TNFRSF19: variants seen among roughly 807,000 people sequenced by gnomAD.
TNFRSF19 encodes the protein tumor necrosis factor receptor superfamily member 19.
Under a neutral mutation model 46.4 loss-of-function variants are expected in TNFRSF19, and 27 were observed. The ratio of observed to expected loss-of-function variants is 0.58; its 90% CI spans 0.43 to 0.80. The LOEUF (loss-of-function observed/expected upper bound fraction) is 0.80, where lower values mean the gene tolerates loss of function less well. Ranked by LOEUF, TNFRSF19 falls within the 30% of genes least tolerant of loss-of-function variation. The probability of loss-of-function intolerance (pLI) is 0.00; values close to 1 mark genes in which losing one functional copy is unlikely to be tolerated. For missense variants in TNFRSF19, 511 were observed against 530.8 expected, an observed-to-expected ratio of 0.96 and a Z score of 0.37; for synonymous variants, 204 against 205.0, an observed-to-expected ratio of 1.00 and a Z score of 0.04.
chr13:23,660,479 T>C lies in TNFRSF19; in HGVS notation c.725T>C (p.Val242Ala), dbSNP rs779636285. The change falls in exon 7 of 10, where the codon GTG (valine) becomes GCG (alanine). Residue 242 changes from valine (V) to alanine (A), a missense_variant. Coordinates refer to ENST00000248484, the MANE Select transcript of TNFRSF19 (RefSeq NM_148957.4). ...TGCTGCCAGTGCCGCCGTGACTCAG[T>C]GCAGACCTGCGGTAAGTTCAGCAGG... Reference protein sequence around the residue: ...RACCQCRRDSVQTCGPVRLLP... With the variant: ...RACCQCRRDSAQTCGPVRLLP... The C allele has an allele frequency of 2.0e-5, 33 of 1,613,062 alleles. No homozygotes were observed. Among genetic ancestry groups the C allele is most frequent in the Admixed American group, 3.3e-5 (2 of 59,990 alleles).
At chr13:23,608,346 A>T (rs1880657186) in intron 3 of TNFRSF19, among the ~76,000 whole-genome samples, 1 of 152,250 alleles carries the variant, frequency 6.6e-6, no homozygotes, top group African/African-American at 2.4e-5. Context: ...ATATTAGCTA[A>T]TTTTTCATAC....
At chr13:23,618,995 A>G (rs1220571805) in intron 4 of TNFRSF19, among the ~76,000 whole-genome samples, 2 of 152,214 alleles carry the variant, frequency 1.3e-5, no homozygotes, top group African/African-American at 2.4e-5. Context: ...GGCCCTCACC[A>G]GACGCCAGAT....
Position 23,659,630 on chromosome 13 carries a change from C to T in TNFRSF19, c.610+416C>T, listed in dbSNP as rs564514294. Among the ~76,000 whole-genome samples, 10 of 152,156 alleles carry T rather than the reference C, an allele frequency of 6.6e-5. No homozygotes were observed. The highest frequency in any genetic ancestry group is 1.4e-4 in the African/African-American group (6 of 41,520). On this transcript the variant is annotated intron_variant, in intron 6 of 9. Coordinates refer to ENST00000248484, the MANE Select transcript of TNFRSF19 (RefSeq NM_148957.4). The surrounding 1 kb of genome is among the most constrained non-coding windows in gnomAD (Gnocchi z 4.9). ...CAAGTGATTCTCCTGCCTCAGCCTC[C>T]GGAGTAGCTGGGACTACAGGCGCCC...
At chr13:23,618,291 AC>A (rs941531735) in intron 4 of TNFRSF19, among the ~76,000 whole-genome samples, 1 of 152,232 alleles carries the variant, frequency 6.6e-6, no homozygotes, top group African/African-American at 2.4e-5. Flanking sequence ...ACATATTCTT[AC>A]AACTCAATAA....
At chr13:23,594,298 T>C (rs1272123791) in intron 3 of TNFRSF19, 3 of 451,430 alleles carry the variant, frequency 6.6e-6, no homozygotes, top group Non-Finnish European at 8.9e-6. Context: ...GGGAGACAAA[T>C]GGTCTAGCTC....
At chr13:23,623,118 C>A (rs1192186273) in intron 4 of TNFRSF19, among the ~76,000 whole-genome samples, 2 of 152,184 alleles carry the variant, frequency 1.3e-5, no homozygotes, top group Non-Finnish European at 2.9e-5. Context: ...CCCTTTGCTT[C>A]TTCCCCCAGC....
chr13:23,635,817 A>G (rs1882641047), intron 5 of TNFRSF19, among the ~76,000 whole-genome samples: 2 of 152,350 alleles, frequency 1.3e-5, no homozygotes, highest in South Asian at 2.1e-4. Flanking sequence ...TTTTCTTGAT[A>G]ATTATAATTT....
At chr13:23,590,287 G>C (rs1373930143) in intron 2 of TNFRSF19, 35 bp downstream of exon 2, 18 of 1,342,484 alleles carry the variant, frequency 1.3e-5, no homozygotes, top group Non-Finnish European at 1.9e-5. Context: ...ATAAGAATGT[G>C]GTGAAAGAAT....
At chr13:23,571,869 G>A (rs1043440835) in intron 1 of TNFRSF19, among the ~76,000 whole-genome samples, 2 of 150,900 alleles carry the variant, frequency 1.3e-5, no homozygotes, top group South Asian at 2.1e-4. Context: ...CTTTGTTCGC[G>A]ATGTTTTTTT....
intron 5 of TNFRSF19, among the ~76,000 whole-genome samples, chr13:23,631,914 C>T (rs976835601): frequency 2.0e-5 from 3 of 152,182 alleles, no homozygotes; most frequent in Non-Finnish European, 4.4e-5. Flanking sequence ...TGAATCTGAT[C>T]AGAGTAAATG....
At chr13:23,643,658 T>C (rs1220670986) in intron 5 of TNFRSF19, among the ~76,000 whole-genome samples, 3 of 151,182 alleles carry the variant, frequency 2.0e-5, no homozygotes, top group African/African-American at 7.4e-5. Context: ...AATAAAACAA[T>C]GATGGGCAGG....
At chr13:23,583,633 T>G (rs2138156950) in intron 1 of TNFRSF19, among the ~76,000 whole-genome samples, 1 of 152,314 alleles carries the variant, frequency 6.6e-6, no homozygotes, top group East Asian at 1.9e-4. Flanking sequence ...TTAGCAGCTC[T>G]TTGGTCAGCT....
chr13:23,658,472 AT>A (rs1180980711), intron 5 of TNFRSF19, among the ~76,000 whole-genome samples: 2 of 152,178 alleles, frequency 1.3e-5, no homozygotes, highest in Admixed American at 6.5e-5. Context: ...CCATAGTGTA[AT>A]AACAGTATTA....
chr13:23,657,395 T>C (rs949691809), intron 5 of TNFRSF19, among the ~76,000 whole-genome samples: 8 of 152,116 alleles, frequency 5.3e-5, no homozygotes, highest in Non-Finnish European at 4.4e-5. Context: ...AATTGGCTTG[T>C]GTTTAGGTGC....
At chr13:23,626,064 C>G (rs971511482) in intron 4 of TNFRSF19, among the ~76,000 whole-genome samples, 6 of 152,030 alleles carry the variant, frequency 3.9e-5, no homozygotes, top group Non-Finnish European at 8.8e-5. Context: ...TTAAGTTTTA[C>G]CTTATAGACT....
intron 5 of TNFRSF19, among the ~76,000 whole-genome samples, chr13:23,649,291 T>C (rs1566210987): frequency 1.3e-5 from 2 of 152,334 alleles, no homozygotes; most frequent in Non-Finnish European, 2.9e-5. Flanking sequence ...TCTTCCATTT[T>C]GTTAGTTTAT....
At chr13:23,624,170 T>C (rs1312458281) in intron 4 of TNFRSF19, among the ~76,000 whole-genome samples, 1 of 152,318 alleles carries the variant, frequency 6.6e-6, no homozygotes, top group Non-Finnish European at 1.5e-5. Context: ...TCTTGGCACC[T>C]TGTTGAAAGT....
intron 3 of TNFRSF19, among the ~76,000 whole-genome samples, chr13:23,600,398 T>C (rs542988138): frequency 8.3e-4 from 126 of 152,162 alleles, no homozygotes; most frequent in Non-Finnish European, 1.6e-3. Context: ...TGCTGTAGCC[T>C]AGGTTTGGAA....
Position 23,659,069 on chromosome 13 carries a change from C to T in TNFRSF19, c.465C>T (p.Leu155=), listed in dbSNP as rs1248056876. 34 of 1,613,728 alleles carry T rather than the reference C, an allele frequency of 2.1e-5. No homozygotes were observed. Among genetic ancestry groups the T allele is most frequent in the Non-Finnish European group, 2.8e-5 (33 of 1,180,028 alleles). ...YEPHCASKVN[L]VKIASTASSP... Reference sequence around the variant, plus strand: ...TTTCAGGTGCCAGCAAGGTCAACCTCGTGAAGATCGCGTCCACGGCCTCCA... The same window carrying T: ...TTTCAGGTGCCAGCAAGGTCAACCTTGTGAAGATCGCGTCCACGGCCTCCA... The change falls in exon 6 of 10, where the codon CTC becomes CTT. Residue 155 remains leucine (L), a synonymous_variant. Transcript: ENST00000248484. This position sits in a 1 kb window ranked among gnomAD's most constrained non-coding sequence, Gnocchi z 4.9.
Sources: allele counts gnomAD v4.1 joint callset (sites outside exome capture counted in the v4.1 genomes callset), GRCh38; gene constraint gnomAD v4.1.1; non-coding constraint Gnocchi (gnomAD v3.1); transcripts MANE v1.5; gene names NCBI Gene and HGNC (gene_info 2026-07-23, HGNC 2026-07-21).